The following ATP8A2 variants were observed in gnomAD, a reference collection of about 807,000 sequenced individuals.
ATP8A2 encodes phospholipid-transporting ATPase IB.
ATP8A2 carries 100 observed loss-of-function variants against 165.6 expected under a neutral mutation model. The observed-to-expected ratio is 0.60, with a 90% confidence interval of 0.51 to 0.71. The LOEUF is 0.71. Ranked by LOEUF, ATP8A2 falls within the 30% of genes least tolerant of loss-of-function variation. The pLI is 0.00. For synonymous variants in ATP8A2, 543 were observed against 548.8 expected (o/e 0.99, Z 0.15); for missense variants, 1,227 against 1,479.5 (o/e 0.83, Z 2.80).
chr13:25,740,808 G>A lies in ATP8A2; in HGVS notation c.2385-28238G>A, dbSNP rs766555014. On this transcript the variant is annotated intron_variant, in intron 25 of 36. Transcript: ENST00000381655. ...TGAATATTAAGGTCTGACTGGGTTA[G>A]TGTGTCAGCTAATTTGAAGTGTTGA... 6.6e-5 allele frequency among the ~76,000 whole-genome samples: 10 copies of A among 152,348 alleles called. No individual in the cohort carries two copies. In the Middle Eastern group the frequency reaches 0.01, roughly 155 times the overall value.
chr13:25,528,105 G>A (rs954485195), intron 2 of ATP8A2, among the ~76,000 whole-genome samples: 1 of 152,140 alleles, frequency 6.6e-6, no homozygotes, highest in African/African-American at 2.4e-5. Flanking sequence ...CATGAGTTTT[G>A]TGTATTTTCC....
At chr13:25,419,087 G>A (rs574940353) in intron 1 of ATP8A2, among the ~76,000 whole-genome samples, 2 of 152,318 alleles carry the variant, frequency 1.3e-5, no homozygotes, top group East Asian at 3.9e-4. Flanking sequence ...GTGCATGTGT[G>A]TGCACGCACG....
At position 26,012,589 on chromosome 13, in the gene ATP8A2, T is replaced by C. The variant is rs1566351839; in HGVS notation, c.3436T>C (p.Phe1146Leu). 1.3e-6 allele frequency: 2 copies of C among 1,524,210 alleles called. No homozygotes were observed. Among genetic ancestry groups the C allele is most frequent in the African/African-American group, 1.4e-5 (1 of 70,858 alleles). 94.4% of individuals were successfully genotyped at this position (1,524,210 alleles called of 1,614,324 possible). A position where few individuals can be genotyped will look rare whatever the true frequency, so the allele number is the denominator to read the frequency against. ...RLGRKTPPTLFRGSSLQQGVP... is the reference protein window; with the variant it reads ...RLGRKTPPTLLRGSSLQQGVP... ...GGGCCGGAAGACGCCCCCGACGCTG[T>C]TCCGGGGCAGCTCCCTGCAGCAGGG... Residue 1146 changes from phenylalanine to leucine, a missense_variant, in exon 36 of 37, where the codon TTC becomes CTC. Physicochemically the swap from Phe to Leu is conservative, Grantham distance 22. This residue lies in a region of ATP8A2 where 260 missense variants were observed against 245.1 expected (regional missense o/e 1.06). Transcript: ENST00000381655.
intron 24 of ATP8A2, among the ~76,000 whole-genome samples, chr13:25,680,779 T>C (rs949794208): frequency 6.6e-6 from 1 of 152,238 alleles, no homozygotes; most frequent in Non-Finnish European, 1.5e-5. Flanking sequence ...AGGTGCCCTC[T>C]ACAACCATGT....
At chr13:25,718,848 A>G (rs533367436) in intron 25 of ATP8A2, among the ~76,000 whole-genome samples, 1 of 152,250 alleles carries the variant, frequency 6.6e-6, no homozygotes, top group Non-Finnish European at 1.5e-5. Flanking sequence ...CTTCTGTTGT[A>G]ATTGGTTGGC....
intron 24 of ATP8A2, among the ~76,000 whole-genome samples, chr13:25,662,072 A>G (rs998486467): frequency 2.0e-5 from 3 of 152,178 alleles, no homozygotes; most frequent in Non-Finnish European, 4.4e-5. Flanking sequence ...ACCAGGAGCA[A>G]ATTACCTAAG....
intron 35 of ATP8A2, among the ~76,000 whole-genome samples, chr13:26,010,076 G>T (rs1183835794): frequency 6.6e-6 from 1 of 151,932 alleles, no homozygotes; most frequent in Non-Finnish European, 1.5e-5. Flanking sequence ...AAAACAAAAA[G>T]AAAAAAATTA....
Position 25,513,177 on chromosome 13 carries a change from C to G in ATP8A2, c.222-16822C>G, listed in dbSNP as rs193019221. Among the ~76,000 whole-genome samples, 319 of 150,966 alleles carry G rather than the reference C, an allele frequency of 2.1e-3. 1 individual carries two copies. Among genetic ancestry groups the G allele is most frequent in the African/African-American group, 6.7e-3 (274 of 41,036 alleles). On this transcript the variant is annotated intron_variant, in intron 2 of 36. Coordinates refer to ENST00000381655, the MANE Select transcript of ATP8A2 (RefSeq NM_016529.6). ...CCTCTCAGATGGGGCGGCTGCCGGG[C>G]GGAGAGGCTCCTCACTTCTCAGACG...
intron 33 of ATP8A2, among the ~76,000 whole-genome samples, chr13:25,877,819 T>A (rs971721614): frequency 2.0e-5 from 3 of 152,198 alleles, no homozygotes; most frequent in African/African-American, 7.2e-5. Context: ...CCTTCAGACA[T>A]GTCAAGGAAA....
chr13:25,956,274 A>G lies in ATP8A2; in HGVS notation c.3184-5301A>G, dbSNP rs144515757. The stretch of plus-strand genomic sequence containing the variant: ...AGTATTGGAAGTTCTGGCCAGGGCA[A>G]TCAGGCAAGAGAAAGAAATAAAGGG... On this transcript the variant is annotated intron_variant, in intron 33 of 36. Transcript: ENST00000381655. Among the ~76,000 whole-genome samples the G allele has an allele frequency of 3.7e-3, 566 of 152,342 alleles. 4 individuals carry two copies. Among genetic ancestry groups the G allele is most frequent in the African/African-American group, 0.013 (528 of 41,580 alleles).
At chr13:25,474,978 C>T (rs2137548553) in intron 2 of ATP8A2, among the ~76,000 whole-genome samples, 1 of 152,126 alleles carries the variant, frequency 6.6e-6, no homozygotes, top group Non-Finnish European at 1.5e-5. Flanking sequence ...TGCCACCATG[C>T]CTGGCTAATT....
At chr13:25,598,081 A>G (rs114203127) in intron 24 of ATP8A2, among the ~76,000 whole-genome samples, 38 of 152,264 alleles carry the variant, frequency 2.5e-4, no homozygotes, top group African/African-American at 7.9e-4. Context: ...TCCAGTTTAT[A>G]TCCCGTATAG....
intron 8 of ATP8A2, 143 bp from the exon 9 acceptor site, chr13:25,541,776 G>T: frequency 1.3e-6 from 1 of 797,618 alleles, no homozygotes; most frequent in Non-Finnish European, 1.9e-6. Flanking sequence ...GCCTTGAGGG[G>T]CTGACAGTTT....
At chr13:25,573,830 C>T (rs1175362275) in intron 18 of ATP8A2, among the ~76,000 whole-genome samples, 3 of 152,118 alleles carry the variant, frequency 2.0e-5, no homozygotes, top group East Asian at 3.8e-4. Context: ...TTGATGAAGG[C>T]TGGATGAAGT....
At chr13:25,537,052 C>T (rs2038308780) in intron 6 of ATP8A2, among the ~76,000 whole-genome samples, 2 of 152,198 alleles carry the variant, frequency 1.3e-5, no homozygotes, top group Admixed American at 1.3e-4. Context: ...GTTCTCTCTA[C>T]CCTAGTGCTT....
chr13:25,467,051 A>T (rs1420944889), intron 1 of ATP8A2, among the ~76,000 whole-genome samples: 1 of 152,214 alleles, frequency 6.6e-6, no homozygotes, highest in African/African-American at 2.4e-5. Context: ...GGTGGGCCAG[A>T]CAGTCTGGAA....
At chr13:25,970,191 A>C (rs1006404176) in intron 35 of ATP8A2, among the ~76,000 whole-genome samples, 1 of 152,220 alleles carries the variant, frequency 6.6e-6, no homozygotes, top group African/African-American at 2.4e-5. Context: ...CTGAGGGGGC[A>C]TAAGTAATTT....
intron 35 of ATP8A2, among the ~76,000 whole-genome samples, chr13:25,985,935 G>T (rs1359035642): frequency 6.6e-6 from 1 of 152,212 alleles, no homozygotes; most frequent in Non-Finnish European, 1.5e-5. Flanking sequence ...ATGTTGGAGA[G>T]AATATTCACA....
chr13:25,816,165 T>C (rs1007560631), intron 27 of ATP8A2, among the ~76,000 whole-genome samples: 4 of 152,206 alleles, frequency 2.6e-5, no homozygotes, highest in African/African-American at 9.6e-5. Context: ...AAATGGTGAA[T>C]TTTATGTTCT....
Sources: gnomAD v4.1 joint callset for allele counts (sites outside exome capture counted in the v4.1 genomes callset) on GRCh38, gnomAD v4.1.1 for gene constraint, gnomAD v4.1.1 regional missense constraint, MANE v1.5 for transcripts, NCBI Gene and HGNC (gene_info 2026-07-23, HGNC 2026-07-21) for gene names.